The following IL10RB variants were observed in gnomAD, a reference collection of about 807,000 sequenced individuals.
IL10RB encodes the protein interleukin-10 receptor subunit beta.
A neutral mutation model predicts 38.7 loss-of-function variants in IL10RB; 30 were observed. The observed-to-expected ratio is 0.78, with a 90% confidence interval of 0.58 to 1.05. The LOEUF is 1.05. Ranked by LOEUF, IL10RB falls within the 50% of genes least tolerant of loss-of-function variation. The probability of loss-of-function intolerance (pLI) is 0.00; values close to 1 mark genes in which losing one functional copy is unlikely to be tolerated. For missense variants in IL10RB, 328 were observed against 397.1 expected (o/e 0.83, Z 1.48); for synonymous variants, 142 against 145.9 (o/e 0.97, Z 0.19).
chr21:33,309,682 A>C (rs2083007327), exon 2 of IL10RB: 1 of 152,206 alleles, frequency 6.6e-6, no homozygotes, highest in Non-Finnish European at 1.5e-5. Context: ...ACTCTTTCCT[A>C]AACATTGCTT....
At chr21:33,266,576 CT>C (rs1286780539) in intron 1 of IL10RB, 62 bp downstream of exon 1, 8 of 1,486,978 alleles carry the variant, frequency 5.4e-6, no homozygotes, top group South Asian at 2.4e-5. Flanking sequence ...GATGCCGCCC[CT>C]GATCCCATCC....
At chr21:33,274,751 T>G (rs534459608) in intron 2 of IL10RB, among the ~76,000 whole-genome samples, 1 of 152,320 alleles carries the variant, frequency 6.6e-6, no homozygotes, top group Non-Finnish European at 1.5e-5. Flanking sequence ...TGTTGCTCCA[T>G]TTGTAGAGCA....
intron 1 of IL10RB, among the ~76,000 whole-genome samples, chr21:33,307,547 G>A (rs1486852810): frequency 2.0e-5 from 3 of 152,042 alleles, no homozygotes; most frequent in East Asian, 1.9e-4. Context: ...CTTGTTCTTC[G>A]GTTTCTCAGC....
intron 3 of IL10RB, among the ~76,000 whole-genome samples, chr21:33,279,209 G>C (rs1299469587): frequency 6.6e-6 from 1 of 152,122 alleles, no homozygotes; most frequent in African/African-American, 2.4e-5. Context: ...TTTGAGCAGA[G>C]ACCCATATGA....
intron 6 of IL10RB, among the ~76,000 whole-genome samples, chr21:33,293,762 G>A (rs369594570): frequency 2.6e-5 from 4 of 151,140 alleles, no homozygotes; most frequent in East Asian, 3.9e-4. Flanking sequence ...AGCAGAGATC[G>A]CGCCACCGCA....
chr21:33,290,910 T>C (rs1286154200), intron 6 of IL10RB, among the ~76,000 whole-genome samples: 2 of 152,168 alleles, frequency 1.3e-5, no homozygotes, highest in African/African-American at 2.4e-5. Context: ...GGGAATTGAT[T>C]CTCTCACGGT....
chr21:33,303,883 G>C (rs2082992096), intron 1 of IL10RB, among the ~76,000 whole-genome samples: 1 of 152,208 alleles, frequency 6.6e-6, no homozygotes, highest in South Asian at 2.1e-4. Context: ...GGGGGTGAGG[G>C]GTTAAGGAAG....
chr21:33,268,842 C>T (rs1164067878), intron 2 of IL10RB, among the ~76,000 whole-genome samples: 1 of 152,140 alleles, frequency 6.6e-6, no homozygotes, highest in African/African-American at 2.4e-5. Context: ...TTGTTTGTCA[C>T]AGTTGATATA....
chr21:33,288,936 T>C (rs1019155186), intron 6 of IL10RB, among the ~76,000 whole-genome samples: 5 of 152,170 alleles, frequency 3.3e-5, no homozygotes, highest in African/African-American at 1.2e-4. Flanking sequence ...AGATAGAGAT[T>C]TGTATTCAAA....
chr21:33,295,875 T>C (rs2082963745), intron 6 of IL10RB, among the ~76,000 whole-genome samples: 1 of 152,060 alleles, frequency 6.6e-6, no homozygotes, highest in African/African-American at 2.4e-5. Context: ...TGAAATCCCA[T>C]CTGTACTAAA....
At chr21:33,299,650 C>T (rs1451276957), downstream of IL10RB, among the ~76,000 whole-genome samples, 2 of 152,228 alleles carry the variant, frequency 1.3e-5, no homozygotes, top group East Asian at 3.8e-4. Flanking sequence ...GCCGTAGCTG[C>T]ACACTGTGGC....
At position 33,272,726 on chromosome 21, in the gene IL10RB, G is replaced by T. The variant is rs375297068; in HGVS notation, c.174-3870G>T. 5.9e-5 allele frequency among the ~76,000 whole-genome samples: 9 copies of T among 152,324 alleles called. No homozygotes were observed. The East Asian group carries it at 7.7e-4, about 13-fold the overall frequency. ...CTCCCAGAGTGCTGGGATTATAGGC[G>T]TGAGCCACTGAGCCGGGCCAGCTCC... On this transcript the variant is annotated intron_variant, in intron 2 of 6. Coordinates refer to ENST00000290200, the MANE Select transcript of IL10RB (RefSeq NM_000628.5).
intron 5 of IL10RB, among the ~76,000 whole-genome samples, chr21:33,287,612 C>T (rs1238961317): frequency 1.3e-5 from 2 of 151,924 alleles, no homozygotes; most frequent in African/African-American, 4.8e-5. Context: ...AGTGATCCTC[C>T]CACCTCGGCC....
At chr21:33,269,232 T>G (rs1989031827) in intron 2 of IL10RB, among the ~76,000 whole-genome samples, 1 of 152,196 alleles carries the variant, frequency 6.6e-6, no homozygotes, top group Non-Finnish European at 1.5e-5. Context: ...TGTCAGTGTT[T>G]CCCTACGCCT....
intron 6 of IL10RB, chr21:33,293,972 AT>A (rs776150637): frequency 2.1e-6 from 1 of 471,130 alleles, no homozygotes; most frequent in South Asian, 1.5e-5. Context: ...AGGAAACAAA[AT>A]TATTCACCTG....
chr21:33,279,149 C>T (rs770862365), intron 3 of IL10RB, among the ~76,000 whole-genome samples: 1 of 152,156 alleles, frequency 6.6e-6, no homozygotes, highest in Non-Finnish European at 1.5e-5. Context: ...GTAATGGGAG[C>T]TGCACTTCTA....
At chr21:33,294,377 G>A (rs971208563) in intron 6 of IL10RB, among the ~76,000 whole-genome samples, 1 of 120,768 alleles carries the variant, frequency 8.3e-6, no homozygotes, top group African/African-American at 4.0e-5. Context: ...GTTTGTGTGT[G>A]TGTGTGTGTG....
intron 6 of IL10RB, among the ~76,000 whole-genome samples, chr21:33,291,870 A>T (rs923211485): frequency 3.9e-5 from 6 of 152,090 alleles, no homozygotes; most frequent in Admixed American, 3.9e-4. Flanking sequence ...AGTGGTGGCT[A>T]CCCAGCCGTG....
chr21:33,279,008 C>T (rs537036877), intron 3 of IL10RB, among the ~76,000 whole-genome samples: 6 of 152,220 alleles, frequency 3.9e-5, no homozygotes, highest in South Asian at 2.1e-4. Flanking sequence ...CAACAATGAA[C>T]GAGACAAAAT....
Sources: gnomAD v4.1 joint callset for allele counts (sites outside exome capture counted in the v4.1 genomes callset) on GRCh38, gnomAD v4.1.1 for gene constraint, MANE v1.5 for transcripts, NCBI Gene and HGNC (gene_info 2026-07-23, HGNC 2026-07-21) for gene names.